The following SAMMSON variants were observed in gnomAD, a reference collection of about 807,000 sequenced individuals.
The protein encoded by SAMMSON is survival associated mitochondrial melanoma specific oncogenic non-coding RNA.
chr3:70,216,171 C>T (rs1701409973), intron 4 of SAMMSON, among the ~76,000 whole-genome samples: 1 of 150,824 alleles, frequency 6.6e-6, no homozygotes, highest in African/African-American at 2.4e-5. Context: ...TATATTTATG[C>T]TTTATATTTG....
rs1391463763 is a variant in SAMMSON, at chr3:70,270,684, C to A, written n.675-20495C>A. On this transcript the variant is annotated intron_variant and non_coding_transcript_variant, in intron 6 of 9. Coordinates refer to ENST00000642114, the Ensembl canonical transcript of SAMMSON. ...ATATTAAAATTGTATTTTTAAAATA[C>A]ACCATGGAATACTATGCAGCCATAA... Among the ~76,000 whole-genome samples, 3 of 152,064 alleles carry A rather than the reference C, an allele frequency of 2.0e-5. No homozygotes were observed. In the East Asian group the frequency reaches 5.8e-4, roughly 29 times the overall value.
chr3:70,195,048 G>A (rs546580093), intron 4 of SAMMSON, among the ~76,000 whole-genome samples: 12 of 152,314 alleles, frequency 7.9e-5, no homozygotes, highest in African/African-American at 2.2e-4. Context: ...GAATTGGGTA[G>A]TGCAGGTAGT....
chr3:70,245,806 T>A (rs575363595), intron 4 of SAMMSON, among the ~76,000 whole-genome samples: 1 of 149,974 alleles, frequency 6.7e-6, no homozygotes, highest in East Asian at 2.0e-4. Context: ...AAATGTGCTC[T>A]TCCTGTCACC....
chr3:70,088,036 C>A (rs931375178), intron 4 of SAMMSON, among the ~76,000 whole-genome samples: 10 of 152,130 alleles, frequency 6.6e-5, no homozygotes, highest in African/African-American at 2.4e-4. Flanking sequence ...AGGGGCCTAA[C>A]TAATGATACA....
At chr3:70,070,923 G>A (rs1043322117) in intron 3 of SAMMSON, among the ~76,000 whole-genome samples, 2 of 152,014 alleles carry the variant, frequency 1.3e-5, no homozygotes, top group South Asian at 2.1e-4. Context: ...AGCCCCAGAC[G>A]TCTGAGCTTA....
At chr3:70,360,121 A>G (rs1004719141) in intron 9 of SAMMSON, among the ~76,000 whole-genome samples, 1 of 152,136 alleles carries the variant, frequency 6.6e-6, no homozygotes, top group Admixed American at 6.6e-5. Flanking sequence ...TAAGAAATGA[A>G]CAAGGGGATT....
chr3:70,008,960 G>C (rs2066941953), intron 1 of SAMMSON, among the ~76,000 whole-genome samples: 1 of 152,114 alleles, frequency 6.6e-6, no homozygotes, highest in African/African-American at 2.4e-5. Context: ...TGCATATGTT[G>C]AACCAGCCTT....
chr3:70,311,429 T>G (rs574134050), intron 7 of SAMMSON, among the ~76,000 whole-genome samples: 15 of 152,306 alleles, frequency 9.8e-5, no homozygotes, highest in African/African-American at 3.6e-4. Flanking sequence ...GCCGACAGCA[T>G]TCTCCCCTGG....
At chr3:70,180,975 G>A (rs1049789055) in intron 4 of SAMMSON, among the ~76,000 whole-genome samples, 2 of 152,186 alleles carry the variant, frequency 1.3e-5, no homozygotes, top group Non-Finnish European at 2.9e-5. Context: ...AACTGCTTAT[G>A]TTGGGGGACT....
intron 4 of SAMMSON, chr3:70,183,221 CA>C (rs1273260462): frequency 6.6e-6 from 1 of 152,118 alleles, no homozygotes; most frequent in African/African-American, 2.4e-5. Flanking sequence ...GTGACTTTCC[CA>C]AAGAGATGAT....
chr3:70,351,269 G>A (rs1283314511), intron 7 of SAMMSON, among the ~76,000 whole-genome samples: 5 of 152,072 alleles, frequency 3.3e-5, no homozygotes, highest in African/African-American at 9.7e-5. Context: ...AAGGGATAAG[G>A]AAAACCTCCA....
chr3:70,325,017 G>A (rs1351855067), intron 7 of SAMMSON, among the ~76,000 whole-genome samples: 2 of 151,966 alleles, frequency 1.3e-5, no homozygotes, highest in Non-Finnish European at 2.9e-5. Flanking sequence ...AGGAAAACTG[G>A]GCTTAGAGTG....
chr3:70,382,200 A>T (rs1283104296), intron 9 of SAMMSON, among the ~76,000 whole-genome samples: 1 of 152,160 alleles, frequency 6.6e-6, no homozygotes, highest in Admixed American at 6.6e-5. Flanking sequence ...TGTCTGCAGA[A>T]CTTATATAAT....
At chr3:70,132,984 A>C (rs557428877) in intron 4 of SAMMSON, among the ~76,000 whole-genome samples, 1 of 152,108 alleles carries the variant, frequency 6.6e-6, no homozygotes, top group Non-Finnish European at 1.5e-5. Context: ...TGAATAAATG[A>C]GAGAAACAAG....
chr3:70,018,772 G>A (rs1317974328), intron 3 of SAMMSON, among the ~76,000 whole-genome samples: 1 of 152,074 alleles, frequency 6.6e-6, no homozygotes, highest in Admixed American at 6.6e-5. Context: ...AGAGATTCTG[G>A]TATGTTGTGT....
chr3:70,225,516 G>A (rs1290622128), intron 4 of SAMMSON, among the ~76,000 whole-genome samples: 2 of 152,090 alleles, frequency 1.3e-5, no homozygotes, highest in Non-Finnish European at 2.9e-5. Flanking sequence ...TATTATTCTA[G>A]TTTAAGAAAG....
At chr3:70,265,650 G>A (rs1701910446) in intron 6 of SAMMSON, among the ~76,000 whole-genome samples, 1 of 152,172 alleles carries the variant, frequency 6.6e-6, no homozygotes, top group Admixed American at 6.5e-5. Flanking sequence ...CATGTGCTTT[G>A]CACCTTACCA....
chr3:70,413,607 A>G (rs1170417734), intron 2 of SAMMSON, among the ~76,000 whole-genome samples: 2 of 152,140 alleles, frequency 1.3e-5, no homozygotes, highest in African/African-American at 2.4e-5. Context: ...ACAACTACAT[A>G]TTTGTCCTCA....
chr3:70,305,480 A>C (rs928363354), intron 7 of SAMMSON, among the ~76,000 whole-genome samples: 1 of 152,224 alleles, frequency 6.6e-6, no homozygotes, highest in Non-Finnish European at 1.5e-5. Flanking sequence ...TCCCGTTTAG[A>C]AATGAGAATT....
Sources: allele counts gnomAD v4.1 joint callset (sites outside exome capture counted in the v4.1 genomes callset), GRCh38; gene constraint gnomAD v4.1.1; transcripts MANE v1.5; gene names NCBI Gene and HGNC (gene_info 2026-07-23, HGNC 2026-07-21).